Variants in MCU observed in about 807,000 individuals in gnomAD.
MCU encodes the protein mitochondrial calcium uniporter.
Under a neutral mutation model 45.2 loss-of-function variants are expected in MCU, and 12 were observed. The ratio of observed to expected loss-of-function variants is 0.27; its 90% confidence interval spans 0.17 to 0.43. The LOEUF (loss-of-function observed/expected upper bound fraction) is 0.43, where lower values mean the gene tolerates loss of function less well. Among genes scored for constraint, MCU ranks in the 20% least tolerant of loss-of-function variants. MCU has a pLI of 1.00. For missense variants in MCU, 324 were observed against 436.7 expected (o/e 0.74, Z 2.30); for synonymous variants, 160 against 165.1 (o/e 0.97, Z 0.24).
intron 1 of MCU, among the ~76,000 whole-genome samples, chr10:72,787,112 T>G (rs1208407906): frequency 6.6e-6 from 1 of 152,258 alleles, no homozygotes; most frequent in Non-Finnish European, 1.5e-5. Context: ...AAACATGATT[T>G]GAAAGACAAA....
chr10:72,706,254 A>G (rs1433206975), intron 1 of MCU, among the ~76,000 whole-genome samples: 1 of 151,164 alleles, frequency 6.6e-6, no homozygotes, highest in African/African-American at 2.4e-5. Context: ...ATTACTAAGC[A>G]TGAAACCTTT....
intron 1 of MCU, among the ~76,000 whole-genome samples, chr10:72,791,840 CAAA>C (rs35024051): frequency 7.0e-6 from 1 of 142,168 alleles, no homozygotes; most frequent in South Asian, 2.2e-4. Flanking sequence ...TTCTAAATGC[CAAA>C]AAAAAAAAAA....
In MCU at chr10:72,886,589, A is replaced by G. The variant is rs937004581; in HGVS notation, c.*767A>G. 1 of 152,356 alleles carries G rather than the reference A, an allele frequency of 6.6e-6. No homozygotes were observed. Among genetic ancestry groups the G allele is most frequent in the African/African-American group, 2.4e-5 (1 of 41,444 alleles). 9.4% of individuals were successfully genotyped at this position (152,356 alleles called of 1,614,324 possible). On this transcript the variant is annotated 3_prime_UTR_variant, in exon 8 of 8. Coordinates refer to ENST00000373053, the MANE Select transcript of MCU (RefSeq NM_138357.3). ...AGGAGGAATAATTGCCCTCCTTTAT[A>G]TACTTATCTATTGATAATCCCCTCT... is the stretch of plus-strand genomic sequence containing the variant.
intron 1 of MCU, among the ~76,000 whole-genome samples, chr10:72,696,181 A>T (rs1352611058): frequency 1.3e-5 from 2 of 150,050 alleles, no homozygotes; most frequent in Non-Finnish European, 3.0e-5. Flanking sequence ...AAAAAAAAAA[A>T]AAAATTTTTT....
chr10:72,839,424 G>A (rs1845012697), intron 2 of MCU, among the ~76,000 whole-genome samples: 1 of 152,018 alleles, frequency 6.6e-6, no homozygotes, highest in Non-Finnish European at 1.5e-5. Context: ...CTCTGTCTCT[G>A]TAGTTAAACC....
chr10:72,778,443 C>T (rs1843933031), intron 1 of MCU, among the ~76,000 whole-genome samples: 2 of 152,100 alleles, frequency 1.3e-5, no homozygotes. Context: ...AATATCACAT[C>T]TTCTCATTCA....
At chr10:72,724,638 C>A (rs531633018) in intron 1 of MCU, among the ~76,000 whole-genome samples, 1 of 152,232 alleles carries the variant, frequency 6.6e-6, no homozygotes, top group East Asian at 1.9e-4. Flanking sequence ...TAAATGTTGC[C>A]AAGTAAATAC....
intron 7 of MCU, among the ~76,000 whole-genome samples, chr10:72,885,421 A>C (rs1845761991): frequency 6.6e-6 from 1 of 152,196 alleles, no homozygotes; most frequent in South Asian, 2.1e-4. Flanking sequence ...AGGGCTTCTC[A>C]CTGGAGAAAC....
At chr10:72,803,540 A>G (rs1844373979) in intron 1 of MCU, among the ~76,000 whole-genome samples, 1 of 151,880 alleles carries the variant, frequency 6.6e-6, no homozygotes, top group South Asian at 2.1e-4. Flanking sequence ...AAGGCTTTTC[A>G]GTTTCTGTTC....
At chr10:72,807,070 G>C (rs529054364) in intron 1 of MCU, among the ~76,000 whole-genome samples, 1 of 152,172 alleles carries the variant, frequency 6.6e-6, no homozygotes, top group Non-Finnish European at 1.5e-5. Flanking sequence ...GGTAGTGAAC[G>C]TGGTTCCTTA....
chr10:72,855,240 A>G (rs1845269970), intron 2 of MCU, among the ~76,000 whole-genome samples: 1 of 152,036 alleles, frequency 6.6e-6, no homozygotes. Context: ...CCCTATCTCA[A>G]AAAAAATAAA....
At chr10:72,705,098 A>G (rs1842803308) in intron 1 of MCU, among the ~76,000 whole-genome samples, 1 of 151,948 alleles carries the variant, frequency 6.6e-6, no homozygotes, top group African/African-American at 2.4e-5. Context: ...CCCAGCTTCT[A>G]GTGATCCTCC....
chr10:72,801,591 G>C (rs558971873), intron 1 of MCU, among the ~76,000 whole-genome samples: 99 of 149,448 alleles, frequency 6.6e-4, no homozygotes, highest in Non-Finnish European at 1.2e-3. Context: ...TTGCCAGTTT[G>C]TTTTCTTTAA....
chr10:72,766,529 A>G (rs1454639371), intron 1 of MCU: 1 of 152,202 alleles, frequency 6.6e-6, no homozygotes. Flanking sequence ...TTGGACTACT[A>G]GAACCCTTGA....
rs551299690 is a variant in MCU, at chr10:72,762,749, G to T, written c.150+70448G>T. Among the ~76,000 whole-genome samples the T allele has an allele frequency of 1.5e-3, 221 of 152,140 alleles. 2 individuals are homozygous for T. Among genetic ancestry groups the T allele is most frequent in the African/African-American group, 4.9e-3 (202 of 41,518 alleles). ...ATTTTCTGCCTTCGATATTGTTAAG[G>T]TTTAGTCAGGAAGCAGGCACAGATA... is the stretch of plus-strand genomic sequence containing the variant. On this transcript the variant is annotated intron_variant, in intron 1 of 7. Transcript: ENST00000373053.
At chr10:72,849,328 T>A (rs1845172454) in intron 2 of MCU, among the ~76,000 whole-genome samples, 1 of 149,974 alleles carries the variant, frequency 6.7e-6, no homozygotes, top group Non-Finnish European at 1.5e-5. Flanking sequence ...TGATAAGATA[T>A]GAGGAATGTC....
chr10:72,827,319 G>GACC (rs1336421049), intron 1 of MCU, among the ~76,000 whole-genome samples: 1 of 152,126 alleles, frequency 6.6e-6, no homozygotes, highest in Admixed American at 6.6e-5. Context: ...TACATTCAAT[G>GACC]ACCATCTCAA....
chr10:72,770,576 T>TA (rs1843790769), intron 1 of MCU, among the ~76,000 whole-genome samples: 1 of 152,116 alleles, frequency 6.6e-6, no homozygotes, highest in Non-Finnish European at 1.5e-5. Flanking sequence ...TTTACACCTT[T>TA]TAAAGACACC....
intron 1 of MCU, among the ~76,000 whole-genome samples, chr10:72,819,393 C>T (rs1424163561): frequency 6.6e-6 from 1 of 152,192 alleles, no homozygotes; most frequent in Non-Finnish European, 1.5e-5. Context: ...TGTTTCCCAC[C>T]ATTCCCTCTA....
Sources: gnomAD v4.1 joint callset for allele counts (sites outside exome capture counted in the v4.1 genomes callset) on GRCh38, gnomAD v4.1.1 for gene constraint, MANE v1.5 for transcripts, NCBI Gene and HGNC (gene_info 2026-07-23, HGNC 2026-07-21) for gene names.